Variants in IGFL2 observed in about 807,000 individuals in gnomAD.
IGFL2 encodes the protein IGF like family member 2, also known as insulin growth factor-like family member 2.
A neutral mutation model predicts 13.9 loss-of-function variants in IGFL2; 7 were observed. That is an observed-to-expected ratio of 0.51 (90% CI 0.29 to 0.95). IGFL2 has a LOEUF of 0.95. Ranked by LOEUF, IGFL2 falls within the 40% of genes least tolerant of loss-of-function variation. The probability of loss-of-function intolerance (pLI) is 0.08; values close to 1 mark genes in which losing one functional copy is unlikely to be tolerated. For missense variants in IGFL2, 138 were observed against 147.8 expected (o/e 0.93, Z 0.34); for synonymous variants, 55 against 55.8 (o/e 0.99, Z 0.07).
the IGFL2 span, chr19:46,174,169 CAAGT>C: frequency 6.6e-6 from 1 of 152,244 alleles, no homozygotes; most frequent in Non-Finnish European, 1.5e-5. Flanking sequence ...CAGAAAAGCA[CAAGT>C]GAGCTATCAC....
the IGFL2 span, chr19:46,112,105 C>G: frequency 2.6e-5 from 4 of 152,174 alleles, no homozygotes; most frequent in African/African-American, 7.2e-5. Flanking sequence ...AGAATTATCC[C>G]TGAGATGCCG....
chr19:46,087,323 G>T, the IGFL2 span, among the ~76,000 whole-genome samples: 1 of 152,320 alleles, frequency 6.6e-6, no homozygotes, highest in African/African-American at 2.4e-5. Flanking sequence ...GGTGCTGGCT[G>T]TGGTGGTAGT....
At chr19:46,161,774 A>T (rs1421250720), downstream of IGFL2, among the ~76,000 whole-genome samples, 2 of 152,132 alleles carry the variant, frequency 1.3e-5, no homozygotes, top group Non-Finnish European at 2.9e-5. Flanking sequence ...TATCCAGCTT[A>T]CTAGTCTGTG....
chr19:46,124,951 G>T, the IGFL2 span, among the ~76,000 whole-genome samples: 3 of 144,296 alleles, frequency 2.1e-5, no homozygotes, highest in Admixed American at 1.4e-4. Flanking sequence ...AGTGTAGGTT[G>T]GTCCTACTCC....
the IGFL2 span, among the ~76,000 whole-genome samples, chr19:46,129,268 A>T: frequency 0.043 from 4,734 of 109,768 alleles, 106 homozygotes; most frequent in East Asian, 0.093. Flanking sequence ...TATTTTATTA[A>T]TTTTTTTCAA....
At chr19:46,137,294 C>A in the IGFL2 span, 672,700 of 1,089,450 alleles carry the variant, frequency 0.62, 212,838 homozygotes, top group Middle Eastern at 0.69. Flanking sequence ...ACACCACATG[C>A]AATATTATCT....
chr19:46,161,316 TTC>T, downstream of IGFL2: 8 of 412,814 alleles, frequency 1.9e-5, no homozygotes, highest in Non-Finnish European at 2.1e-5. Flanking sequence ...GTCGTCTCCT[TTC>T]TTTTTTTTTT....
At chr19:46,137,400 G>C in the IGFL2 span, 1 of 1,063,794 alleles carries the variant, frequency 9.4e-7, no homozygotes, top group South Asian at 1.2e-5. Context: ...TGGGACAACA[G>C]TGCTTTTTCT....
At chr19:46,211,328 ACTC>A in the IGFL2 span, among the ~76,000 whole-genome samples, 1 of 151,692 alleles carries the variant, frequency 6.6e-6, no homozygotes, top group East Asian at 1.9e-4. Flanking sequence ...ACTCACACAG[ACTC>A]CTCCTTGTCA....
At chr19:46,170,599 G>A in the IGFL2 span, among the ~76,000 whole-genome samples, 10 of 152,096 alleles carry the variant, frequency 6.6e-5, no homozygotes, top group East Asian at 3.9e-4. Context: ...CTCTTATTAC[G>A]GAAAACAGGT....
the IGFL2 span, among the ~76,000 whole-genome samples, chr19:46,170,915 T>A: frequency 1.3e-5 from 2 of 152,210 alleles, no homozygotes; most frequent in Non-Finnish European, 2.9e-5. Context: ...GATTTTAGTT[T>A]CACCCTGACC....
the IGFL2 span, among the ~76,000 whole-genome samples, chr19:46,177,229 T>A: frequency 5.3e-5 from 8 of 152,058 alleles, no homozygotes; most frequent in Non-Finnish European, 1.0e-4. Flanking sequence ...ACCCTGTCTC[T>A]ACTGAAAATA....
the IGFL2 span, chr19:46,197,121 C>T: frequency 4.4e-6 from 1 of 225,178 alleles, no homozygotes; most frequent in South Asian, 6.9e-5. Context: ...TATGACAATG[C>T]CATCCTGCCC....
At chr19:46,107,192 G>A in the IGFL2 span, among the ~76,000 whole-genome samples, 3 of 152,150 alleles carry the variant, frequency 2.0e-5, no homozygotes, top group South Asian at 2.1e-4. Flanking sequence ...AGAAGGTAAT[G>A]TGGAGTGGGT....
At chr19:46,102,149 T>G in the IGFL2 span, among the ~76,000 whole-genome samples, 1 of 152,252 alleles carries the variant, frequency 6.6e-6, no homozygotes, top group African/African-American at 2.4e-5. Context: ...CAGTGTGTGA[T>G]TGTACCCACT....
At chr19:46,153,170 A>G (rs928249503) in intron 1 of IGFL2, among the ~76,000 whole-genome samples, 1 of 152,170 alleles carries the variant, frequency 6.6e-6, no homozygotes, top group African/African-American at 2.4e-5. Context: ...TATCAGGGTA[A>G]TACAGGCCTC....
At chr19:46,188,766 C>T in the IGFL2 span, among the ~76,000 whole-genome samples, 2 of 152,326 alleles carry the variant, frequency 1.3e-5, no homozygotes, top group Non-Finnish European at 2.9e-5. Flanking sequence ...CTCTGATGCC[C>T]ACATATTTCC....
At chr19:46,095,659 G>T in the IGFL2 span, among the ~76,000 whole-genome samples, 2 of 152,092 alleles carry the variant, frequency 1.3e-5, no homozygotes, top group African/African-American at 2.4e-5. Context: ...ATAGTTTTGG[G>T]TTTCACACTT....
At chr19:46,153,999 C>T (rs1337997927) in intron 1 of IGFL2, among the ~76,000 whole-genome samples, 1 of 151,934 alleles carries the variant, frequency 6.6e-6, no homozygotes, top group Non-Finnish European at 1.5e-5. Context: ...CCCCCAAGAC[C>T]CTGACAGGCC....
Sources: gnomAD v4.1 joint callset for allele counts (sites outside exome capture counted in the v4.1 genomes callset) on GRCh38, gnomAD v4.1.1 for gene constraint, MANE v1.5 for transcripts, NCBI Gene and HGNC (gene_info 2026-07-23, HGNC 2026-07-21) for gene names.